Variants in NTMT1 observed in about 807,000 individuals in gnomAD.
NTMT1 encodes the protein N-terminal RCC1 methyltransferase.
NTMT1 carries 8 observed loss-of-function variants against 17.5 expected under a neutral mutation model. The ratio of observed to expected loss-of-function variants is 0.46; its 90% CI spans 0.27 to 0.82. NTMT1 has a LOEUF of 0.82. Ranked by LOEUF, NTMT1 falls within the 40% of genes least tolerant of loss-of-function variation. The pLI is 0.15. For missense variants in NTMT1, 221 were observed against 303.5 expected, an observed-to-expected ratio of 0.73 and a Z score of 2.02; for synonymous variants, 128 against 126.8, an observed-to-expected ratio of 1.01 and a Z score of -0.06.
At chr9:129,628,554 T>G (rs901608051) in intron 1 of NTMT1, 5 of 152,166 alleles carry the variant, frequency 3.3e-5, no homozygotes, top group African/African-American at 4.8e-5. Context: ...TTTCTTAGAG[T>G]GGAAAATGGC....
At chr9:129,616,999 A>G (rs1830421958) in intron 1 of NTMT1, among the ~76,000 whole-genome samples, 8 of 152,086 alleles carry the variant, frequency 5.3e-5, no homozygotes, top group Admixed American at 5.2e-4. Context: ...CCCAGGAGGT[A>G]GAGGTTGCAG....
At chr9:129,611,811 G>T (rs150564143) in intron 1 of NTMT1, among the ~76,000 whole-genome samples, 2 of 152,192 alleles carry the variant, frequency 1.3e-5, no homozygotes, top group African/African-American at 4.8e-5. Context: ...GGAGTGCAGT[G>T]GCGGGATCAC....
In NTMT1 at chr9:129,635,267, C is replaced by T. The variant is rs781430335; in HGVS notation, c.475C>T (p.Pro159Ser). The T allele has an allele frequency of 3.7e-6, 6 of 1,613,338 alleles. No individual in the cohort carries two copies. In the African/African-American group the frequency reaches 5.3e-5, roughly 14 times the overall value. ...GCGGCGCTGCAAGGGCAGCCTCCGCCCCAACGGCATCATCGTCATCAAAGA... is the reference window on the plus strand; with the variant it reads ...GCGGCGCTGCAAGGGCAGCCTCCGCTCCAACGGCATCATCGTCATCAAAGA... ...FLRRCKGSLRPNGIIVIKDNM... is the reference protein window; with the variant it reads ...FLRRCKGSLRSNGIIVIKDNM... The change falls in exon 4 of 4, where the codon CCC becomes TCC. Residue 159 changes from proline (P) to serine (S), a missense_variant. Coordinates refer to ENST00000372483, the MANE Select transcript of NTMT1 (RefSeq NM_014064.4).
In NTMT1 at chr9:129,632,722, G is replaced by GAAGACGAGAAGCAATTCTAT; in HGVS notation, c.20_39dup (p.Ser14LysfsTer47). 6.2e-7 allele frequency: 1 copy of GAAGACGAGAAGCAATTCTAT among 1,614,114 alleles called. No individual in the cohort carries two copies. The stretch of plus-strand genomic sequence containing the variant: ...TGACAGCATGACGAGCGAGGTGATA[G>GAAGACGAGAAGCAATTCTAT]AAGACGAGAAGCAATTCTATTCCAA... On this transcript the variant is annotated frameshift_variant, in exon 2 of 4. Coordinates refer to ENST00000372483, the MANE Select transcript of NTMT1 (RefSeq NM_014064.4). LOFTEE classifies it high-confidence loss of function.
intron 1 of NTMT1, among the ~76,000 whole-genome samples, chr9:129,627,692 T>G (rs758620229): frequency 6.6e-6 from 1 of 152,178 alleles, no homozygotes; most frequent in Non-Finnish European, 1.5e-5. Context: ...ATCCCCTGTT[T>G]TGTCTTCTTC....
At chr9:129,612,244 G>T in intron 1 of NTMT1, 1 of 938,968 alleles carries the variant, frequency 1.1e-6, no homozygotes, top group Non-Finnish European at 1.6e-6. Context: ...GACACCTACT[G>T]GCAGGTCCCA....
At chr9:129,626,731 G>C (rs1397148728) in intron 1 of NTMT1, among the ~76,000 whole-genome samples, 1 of 152,198 alleles carries the variant, frequency 6.6e-6, no homozygotes, top group Non-Finnish European at 1.5e-5. Flanking sequence ...AGTTGCTGTC[G>C]TATTTAACCT....
In NTMT1 at chr9:129,635,088, T is replaced by C; in HGVS notation, c.416-120T>C. 3.4e-6 allele frequency: 4 copies of C among 1,172,442 alleles called. No homozygotes were observed. The East Asian group carries it at 7.1e-5, about 21-fold the overall frequency. The allele number at this position is 1,172,442 out of a possible 1,614,324, so 72.6% of individuals were successfully genotyped here. ...TCGGGACTGAGAGCCAATGAGGCCA[T>C]GTGTGCACACAAAATGCTGGGCACA... On this transcript the variant is annotated intron_variant, in intron 3 of 3. Transcript: ENST00000372483.
At chr9:129,609,460 T>G (rs867327772) in intron 1 of NTMT1, among the ~76,000 whole-genome samples, 8 of 152,234 alleles carry the variant, frequency 5.3e-5, no homozygotes, top group Middle Eastern at 3.4e-3. Context: ...TGATCCCAGC[T>G]GCTCAGATGG....
rs1830680769 is a variant in NTMT1 at position 129,620,991 on chromosome 9, A to G, written c.-54-11659A>G. Among the ~76,000 whole-genome samples, 1 of 152,236 alleles carries G rather than the reference A, an allele frequency of 6.6e-6. No homozygotes were observed. Among genetic ancestry groups the G allele is most frequent in the African/African-American group, 2.4e-5 (1 of 41,466 alleles). ...TAGCTTTGTAACCTTGGCCAAGCCAATTAACTTCCCTCTGCCTTCCCTGGG... is the reference window on the plus strand; with the variant it reads ...TAGCTTTGTAACCTTGGCCAAGCCAGTTAACTTCCCTCTGCCTTCCCTGGG... On this transcript the variant is annotated intron_variant, in intron 1 of 3. Coordinates refer to the NTMT1 transcript ENST00000372486. The surrounding 1 kb of genome is among the most constrained non-coding windows in gnomAD (Gnocchi z 5.8).
intron 1 of NTMT1, among the ~76,000 whole-genome samples, chr9:129,631,707 C>T (rs945262438): frequency 6.6e-6 from 1 of 152,236 alleles, no homozygotes; most frequent in Non-Finnish European, 1.5e-5. Flanking sequence ...CTGTCCTTCC[C>T]TCCAGGAGCA....
chr9:129,633,020 G>A (rs772815208), intron 2 of NTMT1, 155 bp downstream of exon 2: 3 of 761,946 alleles, frequency 3.9e-6, no homozygotes. Flanking sequence ...GGCTGGGTGG[G>A]CACAGTGGGG....
intron 2 of NTMT1, 184 bp downstream of exon 2, chr9:129,633,049 C>T: frequency 3.4e-6 from 2 of 592,240 alleles, no homozygotes; most frequent in Non-Finnish European, 2.9e-6. Context: ...AGATTGTGGA[C>T]TTAGCCTCAG....
intron 1 of NTMT1, chr9:129,615,462 G>C: frequency 6.5e-7 from 1 of 1,544,686 alleles, no homozygotes; most frequent in Non-Finnish European, 8.7e-7. Context: ...GAGTCTCGAG[G>C]CTCCCCATCC....
At chr9:129,610,727 G>C (rs985218542) in intron 1 of NTMT1, among the ~76,000 whole-genome samples, 6 of 152,088 alleles carry the variant, frequency 3.9e-5, no homozygotes, top group African/African-American at 9.7e-5. Context: ...GGCGCGCCGC[G>C]GTGCTGCAGC....
chr9:129,625,281 A>G (rs533849654), upstream of NTMT1, among the ~76,000 whole-genome samples: 4 of 152,214 alleles, frequency 2.6e-5, no homozygotes, highest in South Asian at 8.3e-4. Flanking sequence ...TGTTTTGCTC[A>G]TTTCAGTGGG....
upstream of NTMT1, among the ~76,000 whole-genome samples, chr9:129,622,351 T>C (rs1006098138): frequency 2.6e-5 from 4 of 152,056 alleles, no homozygotes; most frequent in African/African-American, 4.8e-5. Context: ...AAATTTGCCA[T>C]GCATGGTGTT....
intron 1 of NTMT1, among the ~76,000 whole-genome samples, chr9:129,610,227 G>C (rs1227763192): frequency 2.0e-5 from 1 of 49,552 alleles, no homozygotes; most frequent in African/African-American, 1.2e-4. Context: ...GAGGGGAAAG[G>C]GGGAGGGAGA....
chr9:129,615,508 G>A (rs776911121), intron 1 of NTMT1: 24 of 1,605,736 alleles, frequency 1.5e-5, no homozygotes, highest in African/African-American at 2.7e-5. Flanking sequence ...TCCCAGTAGC[G>A]GAGCGTTGTG....
Sources: allele counts gnomAD v4.1 joint callset (sites outside exome capture counted in the v4.1 genomes callset), GRCh38; gene constraint gnomAD v4.1.1; non-coding constraint Gnocchi (gnomAD v3.1); transcripts MANE v1.5; gene names NCBI Gene and HGNC (gene_info 2026-07-23, HGNC 2026-07-21).